The following AFF3 variants were observed in gnomAD, a reference collection of about 807,000 sequenced individuals.
The protein encoded by AFF3 is AF4/FMR2 family member 3.
In AFF3, 32 loss-of-function variants were observed where a neutral mutation model predicts 129.7. The ratio of observed to expected loss-of-function variants is 0.25; its 90% CI spans 0.19 to 0.33. The LOEUF is 0.33. AFF3 is among the 10% of genes least tolerant of loss of function. The probability of loss-of-function intolerance (pLI) is 1.00; values close to 1 mark genes in which losing one functional copy is unlikely to be tolerated. For missense variants in AFF3, 1,373 were observed against 1,592.0 expected (o/e 0.86, Z 2.34); for synonymous variants, 644 against 635.4 (o/e 1.01, Z -0.20).
At chr2:99,790,685 A>G (rs767101239) in intron 8 of AFF3, among the ~76,000 whole-genome samples, 1 of 152,216 alleles carries the variant, frequency 6.6e-6, no homozygotes, top group Non-Finnish European at 1.5e-5. Flanking sequence ...CCTACAGTGC[A>G]TAGGAGAGTC....
chr2:99,763,891 G>C (rs547138130), intron 8 of AFF3, among the ~76,000 whole-genome samples: 14 of 152,270 alleles, frequency 9.2e-5, no homozygotes, highest in African/African-American at 3.1e-4. Context: ...GTCTTATACC[G>C]ACCCACTGGA....
At chr2:99,997,165 T>C (rs1204169251) in intron 7 of AFF3, among the ~76,000 whole-genome samples, 2 of 152,140 alleles carry the variant, frequency 1.3e-5, no homozygotes, top group Non-Finnish European at 2.9e-5. Flanking sequence ...CCAGCCCAGA[T>C]ACAGATTTCG....
At chr2:99,694,689 A>G (rs1558756233) in intron 11 of AFF3, among the ~76,000 whole-genome samples, 1 of 152,132 alleles carries the variant, frequency 6.6e-6, no homozygotes, top group Non-Finnish European at 1.5e-5. Flanking sequence ...AAAAACAAAA[A>G]CAAAAACCCA....
At chr2:99,684,276 C>T (rs778486156) in intron 11 of AFF3, among the ~76,000 whole-genome samples, 1 of 152,212 alleles carries the variant, frequency 6.6e-6, no homozygotes. Flanking sequence ...CAACCTTATC[C>T]TACGCTGTGT....
chr2:99,915,714 T>C (rs1455423008), intron 7 of AFF3, among the ~76,000 whole-genome samples: 1 of 152,220 alleles, frequency 6.6e-6, no homozygotes. Flanking sequence ...TTCTTTTACT[T>C]CTTTCATAAA....
intron 7 of AFF3, among the ~76,000 whole-genome samples, chr2:99,974,530 G>A (rs1487910781): frequency 6.6e-6 from 1 of 152,184 alleles, no homozygotes; most frequent in Non-Finnish European, 1.5e-5. Context: ...AGTAATCGCT[G>A]CAGTGATGCA....
At chr2:99,841,585 A>C (rs1201356235) in intron 7 of AFF3, among the ~76,000 whole-genome samples, 1 of 152,210 alleles carries the variant, frequency 6.6e-6, no homozygotes, top group Non-Finnish European at 1.5e-5. Flanking sequence ...CAAGAAGAGT[A>C]CCACATTGGT....
intron 9 of AFF3, among the ~76,000 whole-genome samples, chr2:99,751,804 G>T (rs1232703287): frequency 1.3e-5 from 2 of 152,018 alleles, no homozygotes; most frequent in African/African-American, 4.8e-5. Context: ...CTTTAAAAAA[G>T]ATATTCAGGG....
Position 99,877,904 on chromosome 2 carries a change from T to C in AFF3, c.874-40380A>G, listed in dbSNP as rs573311651. On this transcript the variant is annotated intron_variant, in intron 7 of 24. Coordinates refer to ENST00000672756, the MANE Select transcript of AFF3 (RefSeq NM_001386135.1). ...GCTATTCTAGGTGCTGGAGAGAGAGTAGTAAGAAGTACTGAAGGCACTAAA... is the reference window on the plus strand; with the variant it reads ...GCTATTCTAGGTGCTGGAGAGAGAGCAGTAAGAAGTACTGAAGGCACTAAA... Among the ~76,000 whole-genome samples the C allele has an allele frequency of 1.1e-4, 17 of 151,994 alleles. 1 individual carries two copies. The highest frequency in any genetic ancestry group is 9.2e-4 in the Admixed American group (14 of 15,270).
intron 13 of AFF3, among the ~76,000 whole-genome samples, chr2:99,602,670 G>T (rs956126032): frequency 2.6e-5 from 4 of 152,194 alleles, no homozygotes; most frequent in Non-Finnish European, 4.4e-5. Flanking sequence ...TCAGCAAACT[G>T]CTTCCAACTG....
chr2:100,101,153 G>A (rs1690694079), intron 4 of AFF3, among the ~76,000 whole-genome samples: 1 of 152,188 alleles, frequency 6.6e-6, no homozygotes, highest in Non-Finnish European at 1.5e-5. Context: ...AGTAAGTATG[G>A]ATGTTTCTGA....
At chr2:99,556,318 G>C (rs1054766541) in intron 22 of AFF3, among the ~76,000 whole-genome samples, 1 of 152,050 alleles carries the variant, frequency 6.6e-6, no homozygotes, top group Admixed American at 6.5e-5. Context: ...GGTGGCACAC[G>C]CCTGTAATCC....
chr2:99,962,884 AAT>A (rs1677370505), intron 7 of AFF3, among the ~76,000 whole-genome samples: 8 of 148,314 alleles, frequency 5.4e-5, no homozygotes, highest in African/African-American at 1.5e-4. Context: ...TAATAATAAT[AAT>A]AATAATGGCT....
chr2:99,956,258 G>C (rs1676637413), intron 7 of AFF3, among the ~76,000 whole-genome samples: 1 of 152,102 alleles, frequency 6.6e-6, no homozygotes, highest in African/African-American at 2.4e-5. Flanking sequence ...TATGAGAGAA[G>C]AGCTACAGGG....
chr2:99,934,237 A>G (rs909363099), intron 7 of AFF3, among the ~76,000 whole-genome samples: 6 of 152,176 alleles, frequency 3.9e-5, no homozygotes, highest in African/African-American at 1.4e-4. Context: ...ATGAAGTGTC[A>G]GGTCTCCTTT....
chr2:99,637,422 CT>C (rs1683767291), intron 13 of AFF3, among the ~76,000 whole-genome samples: 1 of 152,198 alleles, frequency 6.6e-6, no homozygotes, highest in Non-Finnish European at 1.5e-5. Flanking sequence ...TGAAATGCAT[CT>C]TTTTTGAATC....
At chr2:99,654,163 C>T (rs548787348) in intron 12 of AFF3, among the ~76,000 whole-genome samples, 66 of 152,232 alleles carry the variant, frequency 4.3e-4, no homozygotes, top group African/African-American at 1.4e-3. Flanking sequence ...TACAGGTGTG[C>T]GCCACTGCGC....
In AFF3 at chr2:99,723,179, A is replaced by T. The variant is rs74569119; in HGVS notation, c.1091+3898T>A. Among the ~76,000 whole-genome samples the T allele has an allele frequency of 4.8e-4, 73 of 152,304 alleles. 1 individual carries two copies. In the East Asian group the frequency reaches 0.012, roughly 25 times the overall value. On this transcript the variant is annotated intron_variant, in intron 11 of 24. Coordinates refer to ENST00000672756, the MANE Select transcript of AFF3 (RefSeq NM_001386135.1). ...TTGTGTGTGCACGCATGTTAAGATT[A>T]AATCGCTCCTTTCATTGCCCTGAAT...
intron 11 of AFF3, among the ~76,000 whole-genome samples, chr2:99,675,819 A>G (rs955066031): frequency 1.3e-5 from 2 of 151,934 alleles, no homozygotes; most frequent in South Asian, 4.2e-4. Flanking sequence ...GGCCCAACCC[A>G]CTCCCAAACC....
Sources: gnomAD v4.1 joint callset for allele counts (sites outside exome capture counted in the v4.1 genomes callset) on GRCh38, gnomAD v4.1.1 for gene constraint, MANE v1.5 for transcripts, NCBI Gene and HGNC (gene_info 2026-07-23, HGNC 2026-07-21) for gene names.